The following MAPRE1 variants were observed in gnomAD, a reference collection of about 807,000 sequenced individuals.
MAPRE1 encodes the protein microtubule-associated protein RP/EB family member 1.
Under a neutral mutation model 32.1 loss-of-function variants are expected in MAPRE1, and 5 were observed. The observed-to-expected ratio is 0.16, with a 90% CI of 0.08 to 0.33. MAPRE1 has a LOEUF of 0.33. Among genes scored for constraint, MAPRE1 ranks in the 10% least tolerant of loss-of-function variants. The probability of loss-of-function intolerance (pLI) is 1.00; values close to 1 mark genes in which losing one functional copy is unlikely to be tolerated. For synonymous variants in MAPRE1, 122 were observed against 118.9 expected (o/e 1.03, Z -0.17); for missense variants, 209 against 327.2 (o/e 0.64, Z 2.79).
At chr20:32,840,275 T>G (rs1048887149) in intron 5 of MAPRE1, among the ~76,000 whole-genome samples, 3 of 152,200 alleles carry the variant, frequency 2.0e-5, no homozygotes, top group Admixed American at 6.5e-5. Flanking sequence ...ATGAAAAGCC[T>G]GTGGCTCTTC....
chr20:32,846,784 A>G lies in MAPRE1; in HGVS notation c.750+14A>G, dbSNP rs375758035. ...TATGCCACAGATGTATGTGTTTGACATGAGGATATTTTCTTTCCATTTTAC... is the reference window on the plus strand; with the variant it reads ...TATGCCACAGATGTATGTGTTTGACGTGAGGATATTTTCTTTCCATTTTAC... On this transcript the variant is annotated intron_variant, in intron 6 of 6. Coordinates refer to ENST00000375571, the MANE Select transcript of MAPRE1 (RefSeq NM_012325.3). 1.3e-4 allele frequency: 203 copies of G among 1,613,422 alleles called. No individual in the cohort carries two copies. Among genetic ancestry groups the G allele is most frequent in the Non-Finnish European group, 1.7e-4 (196 of 1,179,516 alleles).
At chr20:32,846,810 A>C in intron 6 of MAPRE1, 40 bp downstream of exon 6, 1 of 1,602,440 alleles carries the variant, frequency 6.2e-7, no homozygotes, top group Non-Finnish European at 8.5e-7. Context: ...TCCATTTTAC[A>C]TAGAAGGGTT....
At chr20:32,845,706 C>T (rs914880816) in intron 5 of MAPRE1, among the ~76,000 whole-genome samples, 3 of 152,078 alleles carry the variant, frequency 2.0e-5, no homozygotes, top group Non-Finnish European at 4.4e-5. Context: ...TGGCTTTTAA[C>T]TCTTGGGCTC....
intron 1 of MAPRE1, among the ~76,000 whole-genome samples, chr20:32,823,810 GC>G (rs1422511367): frequency 6.6e-6 from 1 of 152,162 alleles, no homozygotes; most frequent in East Asian, 1.9e-4. Context: ...GATGGCTTGA[GC>G]CTGGGAAGTC....
At chr20:32,845,329 C>T (rs954610787) in intron 5 of MAPRE1, among the ~76,000 whole-genome samples, 1 of 152,196 alleles carries the variant, frequency 6.6e-6, no homozygotes, top group Admixed American at 6.5e-5. Flanking sequence ...ATGTGAGCCA[C>T]GGCAGCTGGC....
intron 6 of MAPRE1, among the ~76,000 whole-genome samples, chr20:32,847,133 G>A (rs1339952372): frequency 5.3e-5 from 8 of 152,144 alleles, no homozygotes. Flanking sequence ...ATCAGGGCCC[G>A]GGGCATGCCC....
intron 1 of MAPRE1, among the ~76,000 whole-genome samples, chr20:32,821,240 C>CAGTA (rs1327226727): frequency 6.6e-6 from 1 of 152,214 alleles, no homozygotes; most frequent in Non-Finnish European, 1.5e-5. Flanking sequence ...TGTTGTCGAA[C>CAGTA]TCCTGACCTC....
intron 1 of MAPRE1, among the ~76,000 whole-genome samples, chr20:32,824,715 G>A (rs1413043952): frequency 6.9e-6 from 1 of 144,502 alleles, no homozygotes; most frequent in Non-Finnish European, 1.5e-5. Context: ...GGATCTCACT[G>A]CCTCAACCTC....
intron 1 of MAPRE1, among the ~76,000 whole-genome samples, chr20:32,821,447 T>A (rs1253875878): frequency 6.6e-6 from 1 of 152,220 alleles, no homozygotes. Context: ...TTTATTACAC[T>A]TTCTCCCTGA....
chr20:32,835,098 G>A (rs746733415), intron 3 of MAPRE1, among the ~76,000 whole-genome samples: 1 of 152,140 alleles, frequency 6.6e-6, no homozygotes, highest in Non-Finnish European at 1.5e-5. Context: ...GGTGGCTCAT[G>A]CCTGTAGTCC....
intron 1 of MAPRE1, among the ~76,000 whole-genome samples, chr20:32,820,890 T>C (rs2146117978): frequency 6.6e-6 from 1 of 152,322 alleles, no homozygotes; most frequent in Middle Eastern, 3.4e-3. Flanking sequence ...CGATGGCATG[T>C]CTCTAACAGT....
At chr20:32,846,796 T>C (rs1292747186) in intron 6 of MAPRE1, 26 bp downstream of exon 6, 1 of 1,611,750 alleles carries the variant, frequency 6.2e-7, no homozygotes, top group Admixed American at 1.7e-5. Context: ...GAGGATATTT[T>C]CTTTCCATTT....
chr20:32,831,919 T>G (rs1983037789), intron 2 of MAPRE1, among the ~76,000 whole-genome samples: 1 of 146,714 alleles, frequency 6.8e-6, no homozygotes, highest in African/African-American at 2.5e-5. Flanking sequence ...GTCTTCTATT[T>G]GGGTTTTTAA....
At chr20:32,824,921 G>A (rs1982799567) in intron 1 of MAPRE1, among the ~76,000 whole-genome samples, 1 of 151,872 alleles carries the variant, frequency 6.6e-6, no homozygotes, top group Non-Finnish European at 1.5e-5. Flanking sequence ...GGAGGCCTAG[G>A]TGGGTGGATC....
intron 5 of MAPRE1, among the ~76,000 whole-genome samples, chr20:32,845,959 C>A (rs977800452): frequency 1.3e-5 from 2 of 152,192 alleles, no homozygotes; most frequent in African/African-American, 4.8e-5. Flanking sequence ...TTGCAACTTG[C>A]ATTCATTGAC....
chr20:32,824,681 G>GTTT (rs11482252), intron 1 of MAPRE1, among the ~76,000 whole-genome samples: 5 of 139,988 alleles, frequency 3.6e-5, no homozygotes, highest in Non-Finnish European at 6.3e-5. Context: ...AGAATTTATA[G>GTTT]TTTTTTTTTT....
At position 32,838,390 on chromosome 20, in the gene MAPRE1, G is replaced by T. The variant is rs919526187; in HGVS notation, c.476-1345G>T. 5.9e-4 allele frequency among the ~76,000 whole-genome samples: 90 copies of T among 152,200 alleles called. 2 individuals carry two copies. Among genetic ancestry groups the T allele is most frequent in the Non-Finnish European group, 1.6e-4 (11 of 68,002 alleles). Reference sequence around the variant, plus strand: ...TACCTCATTTGATTCAGCAGTTCATGGTCTTTTGCGTTGTTTCCCACTTTA... The same window carrying T: ...TACCTCATTTGATTCAGCAGTTCATTGTCTTTTGCGTTGTTTCCCACTTTA... On this transcript the variant is annotated intron_variant, in intron 4 of 6. Transcript: ENST00000375571.
At chr20:32,821,015 CTCT>C (rs1387985638) in intron 1 of MAPRE1, among the ~76,000 whole-genome samples, 87 of 149,836 alleles carry the variant, frequency 5.8e-4, no homozygotes, top group Non-Finnish European at 7.3e-4. Flanking sequence ...AAGAGAGATT[CTCT>C]TCTTCCTTTT....
chr20:32,842,191 T>C (rs1983383974), intron 5 of MAPRE1, among the ~76,000 whole-genome samples: 1 of 152,204 alleles, frequency 6.6e-6, no homozygotes, highest in Non-Finnish European at 1.5e-5. Context: ...GTTCACGCCA[T>C]TCTCCTGCTT....
Sources: gnomAD v4.1 joint callset for allele counts (sites outside exome capture counted in the v4.1 genomes callset) on GRCh38, gnomAD v4.1.1 for gene constraint, MANE v1.5 for transcripts, NCBI Gene and HGNC (gene_info 2026-07-23, HGNC 2026-07-21) for gene names.